Variants in GABBR2 observed in about 807,000 individuals in gnomAD.
The protein encoded by GABBR2 is gamma-aminobutyric acid type B receptor subunit 2.
In GABBR2, 23 loss-of-function variants were observed where a neutral mutation model predicts 105.6. That is an observed-to-expected ratio of 0.22 (90% CI 0.16 to 0.31). The LOEUF (loss-of-function observed/expected upper bound fraction) is 0.31. Ranked by LOEUF, GABBR2 falls within the 10% of genes least tolerant of loss-of-function variation. The probability of loss-of-function intolerance (pLI) is 1.00; values close to 1 mark genes in which losing one functional copy is unlikely to be tolerated. For missense variants in GABBR2, 734 were observed against 1,245.5 expected (o/e 0.59, Z 6.18); for synonymous variants, 478 against 499.7 (o/e 0.96, Z 0.58).
In GABBR2 at chr9:98,290,261, GT is replaced by G. The variant is rs113020513; in HGVS notation, c.*322del. On this transcript the variant is annotated 3_prime_UTR_variant, in exon 19 of 19. Transcript: ENST00000259455. ...GTTCTAGTGCCTCTCTCCTTGTCTA[GT>G]TTTTTTGTTTTTTTTTTTTTTTTTT... 311 of 122,358 alleles carry G rather than the reference GT, an allele frequency of 2.5e-3. No homozygotes were observed. The highest frequency in any genetic ancestry group is 8.4e-3 in the South Asian group (22 of 2,624). 7.6% of individuals were successfully genotyped at this position (122,358 alleles called of 1,614,324 possible). A position where few individuals can be genotyped will look rare whatever the true frequency, so the allele number is the denominator to read the frequency against.
intron 7 of GABBR2, among the ~76,000 whole-genome samples, chr9:98,407,352 C>T (rs756172848): frequency 1.4e-4 from 22 of 152,112 alleles, no homozygotes; most frequent in Non-Finnish European, 2.9e-4. Context: ...AGCCTGATCC[C>T]AGAACGAGAA....
At chr9:98,478,623 CA>C (rs1826845423) in intron 5 of GABBR2, among the ~76,000 whole-genome samples, 1 of 152,162 alleles carries the variant, frequency 6.6e-6, no homozygotes, top group Non-Finnish European at 1.5e-5. Flanking sequence ...GCAGACAAGC[CA>C]GGGGGCTTTG....
At chr9:98,701,448 T>C (rs1168125748) in intron 1 of GABBR2, among the ~76,000 whole-genome samples, 1 of 152,064 alleles carries the variant, frequency 6.6e-6, no homozygotes, top group Non-Finnish European at 1.5e-5. Flanking sequence ...GCTCAGCAGT[T>C]TGCTTAGCCC....
At chr9:98,680,692 T>C (rs1349581389) in intron 1 of GABBR2, among the ~76,000 whole-genome samples, 1 of 152,140 alleles carries the variant, frequency 6.6e-6, no homozygotes, top group African/African-American at 2.4e-5. Context: ...AAGACAATCC[T>C]TGCAAAGAGA....
At chr9:98,404,539 A>C (rs1832455601) in intron 8 of GABBR2, among the ~76,000 whole-genome samples, 1 of 151,714 alleles carries the variant, frequency 6.6e-6, no homozygotes, top group African/African-American at 2.4e-5. Flanking sequence ...AGCAGGCACC[A>C]CTCTTGTTTC....
chr9:98,435,206 T>A (rs1032624767), intron 7 of GABBR2, among the ~76,000 whole-genome samples: 1 of 152,252 alleles, frequency 6.6e-6, no homozygotes, highest in Non-Finnish European at 1.5e-5. Context: ...CCATTTTCTC[T>A]GGGCTGCCAA....
chr9:98,641,130 T>G (rs1300175130), intron 1 of GABBR2, among the ~76,000 whole-genome samples: 1 of 616 alleles, frequency 1.6e-3, no homozygotes, highest in African/African-American at 4.9e-3. Flanking sequence ...TGTGGTTTGG[T>G]TTTTTTTTTT....
rs1421646008 is a variant in GABBR2 at position 98,475,220 on chromosome 9, AC to A, written c.799-1875del. Among the ~76,000 whole-genome samples the A allele has an allele frequency of 2.6e-5, 4 of 152,252 alleles. No homozygotes were observed. The East Asian group carries it at 7.7e-4, about 29-fold the overall frequency. The stretch of plus-strand genomic sequence containing the variant: ...CAACTACATTACAATGTTGCCCCAA[AC>A]AAAACTGTCATGGAAAATACAGAAA... On this transcript the variant is annotated intron_variant, in intron 5 of 18. Coordinates refer to ENST00000259455, the MANE Select transcript of GABBR2 (RefSeq NM_005458.8).
chr9:98,546,335 T>G (rs1181447774), intron 2 of GABBR2, among the ~76,000 whole-genome samples: 1 of 152,268 alleles, frequency 6.6e-6, no homozygotes, highest in African/African-American at 2.4e-5. Flanking sequence ...TTTTTTCTAT[T>G]GTCTCTGACC....
At chr9:98,518,355 AT>A (rs11350458) in intron 3 of GABBR2, among the ~76,000 whole-genome samples, 73,350 of 152,042 alleles carry the variant, frequency 0.48, 18,277 homozygotes, top group East Asian at 0.76. Context: ...TCAAAGTATA[AT>A]TTTTTATATC....
intron 3 of GABBR2, among the ~76,000 whole-genome samples, chr9:98,510,116 C>A (rs1315836744): frequency 6.6e-6 from 1 of 152,234 alleles, no homozygotes; most frequent in Non-Finnish European, 1.5e-5. Context: ...GACCAATATT[C>A]AACATTCTTA....
At chr9:98,492,834 G>A (rs746531094) in intron 4 of GABBR2, among the ~76,000 whole-genome samples, 19 of 152,202 alleles carry the variant, frequency 1.2e-4, no homozygotes, top group Non-Finnish European at 2.5e-4. Context: ...AGCTTTCAAT[G>A]TGACTTATCA....
chr9:98,485,322 A>AC (rs902788492), intron 4 of GABBR2, among the ~76,000 whole-genome samples: 2 of 152,022 alleles, frequency 1.3e-5, no homozygotes, highest in Non-Finnish European at 2.9e-5. Flanking sequence ...TTCAGCCCAA[A>AC]CCCCCAACAG....
At chr9:98,681,661 A>C (rs1481851853) in intron 1 of GABBR2, among the ~76,000 whole-genome samples, 2 of 152,222 alleles carry the variant, frequency 1.3e-5, no homozygotes, top group Non-Finnish European at 2.9e-5. Flanking sequence ...AACTAAATGA[A>C]TAATTACAAC....
chr9:98,406,016 G>T, intron 8 of GABBR2, 65 bp downstream of exon 8: 1 of 892,100 alleles, frequency 1.1e-6, no homozygotes, highest in Non-Finnish European at 1.9e-6. Flanking sequence ...GTATTATATT[G>T]CATAAAACAA....
chr9:98,536,200 A>AC (rs1444731092), intron 3 of GABBR2, among the ~76,000 whole-genome samples: 6 of 152,318 alleles, frequency 3.9e-5, no homozygotes, highest in Non-Finnish European at 8.8e-5. Flanking sequence ...AATTCTCATG[A>AC]CCATGTCCCT....
chr9:98,619,651 C>G (rs1161662752), intron 1 of GABBR2, among the ~76,000 whole-genome samples: 1 of 152,178 alleles, frequency 6.6e-6, no homozygotes, highest in East Asian at 1.9e-4. Context: ...TTTTCCAGAA[C>G]TCTCCTTCCT....
intron 1 of GABBR2, among the ~76,000 whole-genome samples, chr9:98,700,195 G>GC (rs1010060400): frequency 1.1e-4 from 16 of 152,204 alleles, no homozygotes; most frequent in African/African-American, 3.6e-4. Context: ...GTATCCCAGA[G>GC]CCTAGAATAG....
chr9:98,290,562 C>T lies in GABBR2; in HGVS notation c.*22G>A. On this transcript the variant is annotated 3_prime_UTR_variant, in exon 19 of 19. Coordinates refer to ENST00000259455, the MANE Select transcript of GABBR2 (RefSeq NM_005458.8). ...AGTGTGGTTCTGTCACGGGGGAGGCCCCGGGCCCAGGCCTCCCACCCTTAC... is the reference window on the plus strand; with the variant it reads ...AGTGTGGTTCTGTCACGGGGGAGGCTCCGGGCCCAGGCCTCCCACCCTTAC... The T allele has an allele frequency of 7.4e-7, 1 of 1,357,798 alleles. No homozygotes were observed. Among genetic ancestry groups the T allele is most frequent in the Non-Finnish European group, 9.5e-7 (1 of 1,051,814 alleles). The allele number at this position is 1,357,798 out of a possible 1,614,324, so 84.1% of individuals were successfully genotyped here. A position where few individuals can be genotyped will look rare whatever the true frequency, so the allele number is the denominator to read the frequency against.
Sources: allele counts gnomAD v4.1 joint callset (sites outside exome capture counted in the v4.1 genomes callset), GRCh38; gene constraint gnomAD v4.1.1; transcripts MANE v1.5; gene names NCBI Gene and HGNC (gene_info 2026-07-23, HGNC 2026-07-21).